FHOD3: variants seen among roughly 807,000 people sequenced by gnomAD.
FHOD3 encodes the protein FH1/FH2 domain-containing protein 3.
Under a neutral mutation model 173.0 loss-of-function variants are expected in FHOD3, and 90 were observed. The observed-to-expected ratio is 0.52, with a 90% confidence interval of 0.44 to 0.62. The LOEUF (loss-of-function observed/expected upper bound fraction) is 0.62. Among genes scored for constraint, FHOD3 ranks in the 20% least tolerant of loss-of-function variants. The pLI, the probability that FHOD3 is intolerant of heterozygous loss-of-function variation, is 0.00. For missense variants in FHOD3, 1,945 were observed against 2,034.7 expected (o/e 0.96, Z 0.85); for synonymous variants, 828 against 823.0 (o/e 1.01, Z -0.10).
At chr18:36,413,716 C>G (rs1568238633) in intron 3 of FHOD3, among the ~76,000 whole-genome samples, 1 of 152,168 alleles carries the variant, frequency 6.6e-6, no homozygotes, top group Admixed American at 6.5e-5. Flanking sequence ...TCACAATGCC[C>G]TACATATAAC....
At chr18:36,683,599 A>C (rs1421941153) in intron 15 of FHOD3, among the ~76,000 whole-genome samples, 2 of 152,254 alleles carry the variant, frequency 1.3e-5, no homozygotes, top group African/African-American at 2.4e-5. Context: ...CAAACCTAGA[A>C]GTGTATGTCA....
At chr18:36,444,860 G>A (rs961560038) in intron 3 of FHOD3, among the ~76,000 whole-genome samples, 3 of 152,034 alleles carry the variant, frequency 2.0e-5, no homozygotes, top group Admixed American at 6.5e-5. Context: ...TGACATGTAG[G>A]CTTTTAATAT....
intron 20 of FHOD3, among the ~76,000 whole-genome samples, chr18:36,732,988 T>C (rs545845884): frequency 6.6e-6 from 1 of 152,346 alleles, no homozygotes; most frequent in South Asian, 2.1e-4. Flanking sequence ...ATTTATTTAG[T>C]ACGGATTAAA....
At chr18:36,427,792 AT>A (rs1450246134) in intron 3 of FHOD3, among the ~76,000 whole-genome samples, 2 of 152,242 alleles carry the variant, frequency 1.3e-5, no homozygotes, top group African/African-American at 4.8e-5. Context: ...GGATATGTAA[AT>A]GATTCCACAA....
chr18:36,404,813 C>T (rs1287056370), intron 3 of FHOD3, among the ~76,000 whole-genome samples: 1 of 152,174 alleles, frequency 6.6e-6, no homozygotes, highest in African/African-American at 2.4e-5. Context: ...TATGGTGTGA[C>T]TATGAGTGCT....
intron 20 of FHOD3, among the ~76,000 whole-genome samples, chr18:36,733,437 C>A (rs2041473518): frequency 6.6e-6 from 1 of 152,164 alleles, no homozygotes; most frequent in African/African-American, 2.4e-5. Flanking sequence ...TAGCCAGAGC[C>A]AGCCTGATTA....
intron 5 of FHOD3, among the ~76,000 whole-genome samples, chr18:36,573,813 A>G (rs1189352125): frequency 6.6e-6 from 1 of 152,222 alleles, no homozygotes; most frequent in Non-Finnish European, 1.5e-5. Context: ...ATTTTGGTAT[A>G]TTAAATAATG....
chr18:36,419,760 T>C (rs566915131), intron 3 of FHOD3, among the ~76,000 whole-genome samples: 5 of 152,258 alleles, frequency 3.3e-5, no homozygotes, highest in African/African-American at 1.2e-4. Flanking sequence ...GGGCCAGCAT[T>C]GTCTCATGTG....
chr18:36,718,871 A>T (rs1457024808), intron 19 of FHOD3, among the ~76,000 whole-genome samples, 156 bp downstream of exon 19: 1 of 152,238 alleles, frequency 6.6e-6, no homozygotes, highest in South Asian at 2.1e-4. Context: ...CTTCTGCCAC[A>T]TGCTAGGTGT....
intron 1 of FHOD3, among the ~76,000 whole-genome samples, chr18:36,354,812 A>T (rs1401729027): frequency 1.3e-5 from 2 of 150,544 alleles, no homozygotes; most frequent in Non-Finnish European, 3.0e-5. Flanking sequence ...TCGCCAAAAA[A>T]AAAAAAATAA....
chr18:36,720,687 C>T (rs561681051), intron 19 of FHOD3, among the ~76,000 whole-genome samples: 1 of 113,414 alleles, frequency 8.8e-6, no homozygotes, highest in South Asian at 3.1e-4. Context: ...GAATATTCCT[C>T]CTCCCCCTCC....
At chr18:36,606,599 C>T (rs978431848) in intron 8 of FHOD3, among the ~76,000 whole-genome samples, 1 of 152,168 alleles carries the variant, frequency 6.6e-6, no homozygotes, top group Non-Finnish European at 1.5e-5. Context: ...ATATCCATTC[C>T]ATCCCATTAG....
At chr18:36,388,284 C>T (rs111999325) in intron 3 of FHOD3, among the ~76,000 whole-genome samples, 2 of 152,080 alleles carry the variant, frequency 1.3e-5, no homozygotes, top group East Asian at 1.9e-4. Context: ...AGCGAAACAC[C>T]GGGAGCCCCC....
intron 1 of FHOD3, among the ~76,000 whole-genome samples, chr18:36,338,623 T>G (rs2145409817): frequency 6.6e-6 from 1 of 152,276 alleles, no homozygotes; most frequent in African/African-American, 2.4e-5. Context: ...CCTTAAGGGC[T>G]GTTTTCTGGG....
intron 6 of FHOD3, among the ~76,000 whole-genome samples, chr18:36,579,473 G>C (rs1219328376): frequency 1.3e-5 from 2 of 152,202 alleles, no homozygotes. Flanking sequence ...AGCAGGGAGA[G>C]ATTACATAGA....
intron 6 of FHOD3, among the ~76,000 whole-genome samples, chr18:36,583,381 A>C (rs1260098780): frequency 6.6e-6 from 1 of 152,172 alleles, no homozygotes; most frequent in Non-Finnish European, 1.5e-5. Flanking sequence ...GTAAAACACT[A>C]AGCAACAGGA....
chr18:36,535,631 G>A (rs1187646742), intron 5 of FHOD3, among the ~76,000 whole-genome samples: 1 of 152,144 alleles, frequency 6.6e-6, no homozygotes, highest in Non-Finnish European at 1.5e-5. Flanking sequence ...ATGTGTTATA[G>A]TTACCATGTA....
intron 14 of FHOD3, 58 bp from the exon 15 acceptor site, chr18:36,681,378 C>G: frequency 6.2e-7 from 1 of 1,606,758 alleles, no homozygotes; most frequent in Non-Finnish European, 8.5e-7. Context: ...CTGGTGCTTA[C>G]TTCAGTACTT....
At chr18:36,564,923 G>A (rs1028202535) in intron 5 of FHOD3, among the ~76,000 whole-genome samples, 1 of 152,174 alleles carries the variant, frequency 6.6e-6, no homozygotes, top group South Asian at 2.1e-4. Context: ...CTAAATGTCA[G>A]CAAGGGACTC....
Sources: allele counts gnomAD v4.1 joint callset (sites outside exome capture counted in the v4.1 genomes callset), GRCh38; gene constraint gnomAD v4.1.1; transcripts MANE v1.5; gene names NCBI Gene and HGNC (gene_info 2026-07-23, HGNC 2026-07-21).